Variants in RABEP1 observed in about 807,000 individuals in gnomAD.
RABEP1 encodes rab GTPase-binding effector protein 1.
In RABEP1, 51 loss-of-function variants were observed where a neutral mutation model predicts 123.4. That is an observed-to-expected ratio of 0.41 (90% CI 0.33 to 0.52). The LOEUF is 0.52. RABEP1 is among the 20% of genes least tolerant of loss of function. RABEP1 has a pLI of 0.16. For missense variants in RABEP1, 888 were observed against 996.3 expected (o/e 0.89, Z 1.46); for synonymous variants, 347 against 355.2 (o/e 0.98, Z 0.26).
intron 1 of RABEP1, among the ~76,000 whole-genome samples, chr17:5,302,720 A>C (rs2075146872): frequency 6.8e-6 from 1 of 146,338 alleles, no homozygotes; most frequent in African/African-American, 2.5e-5. Context: ...TAGAGATGGG[A>C]TCTCACTCTG....
Position 5,384,274 on chromosome 17 carries a change from G to C in RABEP1, c.*1051G>C, listed in dbSNP as rs1360009328. On this transcript the variant is annotated 3_prime_UTR_variant, in exon 18 of 18. Transcript: ENST00000537505. Reference sequence around the variant, plus strand: ...CTGTCTTGTCATTTTACAAGCATTAGATTCCTTTCCTGTGTGAAGAAAGCC... The same window carrying C: ...CTGTCTTGTCATTTTACAAGCATTACATTCCTTTCCTGTGTGAAGAAAGCC... The C allele has an allele frequency of 4.7e-6, 1 of 213,804 alleles. No individual in the cohort carries two copies. The highest frequency in any genetic ancestry group is 1.9e-4 in the South Asian group (1 of 5,364). The allele number at this position is 213,804 out of a possible 1,614,324, so 13.2% of individuals were successfully genotyped here. A position where few individuals can be genotyped will look rare whatever the true frequency, so the allele number is the denominator to read the frequency against.
At chr17:5,319,445 C>T (rs2075332147) in intron 2 of RABEP1, among the ~76,000 whole-genome samples, 1 of 151,902 alleles carries the variant, frequency 6.6e-6, no homozygotes, top group Non-Finnish European at 1.5e-5. Flanking sequence ...CGGCTCACTG[C>T]AACCTCTGCC....
intron 6 of RABEP1, among the ~76,000 whole-genome samples, chr17:5,347,777 G>T (rs1295008247): frequency 6.6e-6 from 1 of 152,068 alleles, no homozygotes; most frequent in Non-Finnish European, 1.5e-5. Flanking sequence ...GTGTGCTATT[G>T]CAATAAAAAG....
rs952216891 is a variant in RABEP1 at position 5,359,479 on chromosome 17, G to T, written c.1096-1729G>T. Among the ~76,000 whole-genome samples the T allele has an allele frequency of 2.0e-5, 3 of 152,226 alleles. No homozygotes were observed. In the Middle Eastern group the frequency reaches 0.01, roughly 518 times the overall value. On this transcript the variant is annotated intron_variant, in intron 8 of 17. Coordinates refer to ENST00000537505, the MANE Select transcript of RABEP1 (RefSeq NM_004703.6). ...ATGATACATAGCAGTGGGTGTTAGG[G>T]TTATTTGTAAACTAACAGAATGGCT...
rs752930132 is a variant in RABEP1, at chr17:5,378,168, T to TC, written c.2216-7dup. ...TGAATGCTAATACATCTCATTTTTT[T>TC]CCTTCTAGCTTCTATTTCTAGCCTA... On this transcript the variant is annotated splice_polypyrimidine_tract_variant and intron_variant, in intron 14 of 17. Transcript: ENST00000537505. 17 of 1,562,860 alleles carry TC rather than the reference T, an allele frequency of 1.1e-5. No homozygotes were observed. The highest frequency in any genetic ancestry group is 1.7e-4 in the Middle Eastern group (1 of 5,954).
chr17:5,357,233 T>A (rs927507192), intron 8 of RABEP1, among the ~76,000 whole-genome samples: 3 of 152,060 alleles, frequency 2.0e-5, no homozygotes, highest in African/African-American at 7.2e-5. Context: ...TTGTGCAAAT[T>A]TTTTCCCCAA....
At chr17:5,282,687 G>T (rs531000681) in intron 1 of RABEP1, among the ~76,000 whole-genome samples, 167 bp downstream of exon 1, 439 of 147,142 alleles carry the variant, frequency 3.0e-3, no homozygotes, top group Middle Eastern at 0.01. Flanking sequence ...AGGGCGGCGC[G>T]GGCGCCCCGG....
chr17:5,326,511 C>T (rs529560793), intron 2 of RABEP1, among the ~76,000 whole-genome samples: 2 of 152,198 alleles, frequency 1.3e-5, no homozygotes, highest in South Asian at 2.1e-4. Flanking sequence ...ATGTAGAGTA[C>T]AGAGAATTTT....
intron 4 of RABEP1, 35 bp downstream of exon 4, chr17:5,335,379 G>A: frequency 1.3e-6 from 2 of 1,535,806 alleles, no homozygotes; most frequent in Non-Finnish European, 1.8e-6. Flanking sequence ...AGAAATATTT[G>A]AATTCAAATG....
At chr17:5,367,478 C>A (rs1245416307) in intron 11 of RABEP1, among the ~76,000 whole-genome samples, 1 of 151,902 alleles carries the variant, frequency 6.6e-6, no homozygotes, top group Admixed American at 6.5e-5. Flanking sequence ...ACCATCTTGG[C>A]CAGGCTGGTC....
chr17:5,340,943 C>T (rs200099887), intron 5 of RABEP1, among the ~76,000 whole-genome samples: 4,285 of 99,894 alleles, frequency 0.043, 61 homozygotes, highest in Middle Eastern at 0.12. Context: ...AGCAAAACTC[C>T]GTCTCAAAAA....
intron 2 of RABEP1, among the ~76,000 whole-genome samples, chr17:5,313,753 T>C (rs2075267709): frequency 6.6e-6 from 1 of 152,158 alleles, no homozygotes; most frequent in Non-Finnish European, 1.5e-5. Context: ...CAGCGAACAG[T>C]TGGGGTAGCT....
intron 1 of RABEP1, among the ~76,000 whole-genome samples, chr17:5,298,814 C>T (rs990001684): frequency 6.6e-6 from 1 of 152,138 alleles, no homozygotes. Flanking sequence ...CGCCACCACG[C>T]CCGGCTAATT....
intron 1 of RABEP1, among the ~76,000 whole-genome samples, chr17:5,300,338 A>G (rs2075124863): frequency 6.6e-6 from 1 of 152,064 alleles, no homozygotes; most frequent in Non-Finnish European, 1.5e-5. Context: ...CTAAATTGGG[A>G]TCTGTGTGAT....
chr17:5,311,208 G>A (rs546519403), intron 2 of RABEP1, among the ~76,000 whole-genome samples: 2 of 152,290 alleles, frequency 1.3e-5, no homozygotes, highest in Admixed American at 1.3e-4. Context: ...GGGATCCAGA[G>A]TTTGTGTTTT....
At chr17:5,346,397 T>C (rs924065590) in intron 5 of RABEP1, among the ~76,000 whole-genome samples, 1 of 152,214 alleles carries the variant, frequency 6.6e-6, no homozygotes. Context: ...CTTAAAAGTG[T>C]ATGGTATCGT....
intron 5 of RABEP1, 153 bp downstream of exon 5, chr17:5,338,291 G>C: frequency 2.0e-6 from 2 of 979,576 alleles, no homozygotes; most frequent in Non-Finnish European, 2.8e-6. Context: ...GCCGGGCGAG[G>C]TGGCTCACGC....
At chr17:5,379,188 A>C (rs532340380) in intron 15 of RABEP1, among the ~76,000 whole-genome samples, 2 of 152,310 alleles carry the variant, frequency 1.3e-5, no homozygotes, top group South Asian at 4.1e-4. Context: ...CTCCTCAGGC[A>C]TCAGGCAGGG....
At chr17:5,327,504 A>G (rs1906098431) in intron 2 of RABEP1, among the ~76,000 whole-genome samples, 1 of 152,166 alleles carries the variant, frequency 6.6e-6, no homozygotes, top group Non-Finnish European at 1.5e-5. Flanking sequence ...ACTGTTGTGT[A>G]TGTTTTTTGT....
Sources: gnomAD v4.1 joint callset for allele counts (sites outside exome capture counted in the v4.1 genomes callset) on GRCh38, gnomAD v4.1.1 for gene constraint, MANE v1.5 for transcripts, NCBI Gene and HGNC (gene_info 2026-07-23, HGNC 2026-07-21) for gene names.